Variants in TEX9 observed in about 807,000 individuals in gnomAD.
The protein encoded by TEX9 is testis-expressed protein 9.
In TEX9, 74 loss-of-function variants were observed where a neutral mutation model predicts 59.6. That is an observed-to-expected ratio of 1.24 (90% CI 1.03 to 1.51). TEX9 has a LOEUF of 1.51. Among genes scored for constraint, TEX9 ranks in the 40% most tolerant of loss-of-function variants. The pLI is 0.00. For missense variants in TEX9, 522 were observed against 447.8 expected, an observed-to-expected ratio of 1.17 and a Z score of -1.49; for synonymous variants, 186 against 152.2, an observed-to-expected ratio of 1.22 and a Z score of -1.64.
At chr15:56,385,193 C>G (rs1289823487) in intron 4 of TEX9, among the ~76,000 whole-genome samples, 1 of 152,124 alleles carries the variant, frequency 6.6e-6, no homozygotes, top group Non-Finnish European at 1.5e-5. Flanking sequence ...ACTTTCATAT[C>G]TGTTCCATTG....
chr15:56,255,888 G>A (rs1427153852), intron 1 of TEX9, among the ~76,000 whole-genome samples: 1 of 152,056 alleles, frequency 6.6e-6, no homozygotes, highest in Non-Finnish European at 1.5e-5. Flanking sequence ...AAAGGACTTT[G>A]TATGAATAAA....
At chr15:56,329,197 G>A (rs1417263538) in intron 1 of TEX9, among the ~76,000 whole-genome samples, 1 of 152,178 alleles carries the variant, frequency 6.6e-6, no homozygotes, top group African/African-American at 2.4e-5. Context: ...GTATCTCTGT[G>A]AGTCTAGAAG....
At chr15:56,449,075 G>A (rs1173869166), downstream of TEX9, among the ~76,000 whole-genome samples, 1 of 152,054 alleles carries the variant, frequency 6.6e-6, no homozygotes, top group Non-Finnish European at 1.5e-5. Flanking sequence ...GCTTTTGGAT[G>A]TTCTACACAT....
intron 1 of TEX9, among the ~76,000 whole-genome samples, chr15:56,264,145 G>A (rs551010953): frequency 6.6e-6 from 1 of 152,258 alleles, no homozygotes; most frequent in South Asian, 2.1e-4. Context: ...TTTAAATTAA[G>A]AAACTGAAAA....
At chr15:56,270,744 A>G (rs1175739188) in intron 1 of TEX9, among the ~76,000 whole-genome samples, 1 of 152,172 alleles carries the variant, frequency 6.6e-6, no homozygotes, top group African/African-American at 2.4e-5. Context: ...GGTCTTTACA[A>G]TTTGGCACGT....
intron 1 of TEX9, among the ~76,000 whole-genome samples, chr15:56,330,891 C>T (rs1359848948): frequency 1.3e-5 from 2 of 151,856 alleles, no homozygotes; most frequent in African/African-American, 2.4e-5. Context: ...AAATAGGACC[C>T]AATGATCTGT....
chr15:56,420,473 A>C (rs1356062003), intron 10 of TEX9, among the ~76,000 whole-genome samples: 2 of 151,564 alleles, frequency 1.3e-5, no homozygotes, highest in East Asian at 3.9e-4. Context: ...ATGCTCGGCT[A>C]ATTTTTGTAT....
At chr15:56,426,646 C>A (rs2050293979) in intron 10 of TEX9, among the ~76,000 whole-genome samples, 2 of 124,342 alleles carry the variant, frequency 1.6e-5, no homozygotes, top group African/African-American at 5.8e-5. Flanking sequence ...CAAACACACA[C>A]ACACACACGT....
intron 10 of TEX9, among the ~76,000 whole-genome samples, chr15:56,426,273 A>G (rs1485465187): frequency 6.6e-6 from 1 of 151,954 alleles, no homozygotes; most frequent in Non-Finnish European, 1.5e-5. Flanking sequence ...CCTCCATTCC[A>G]AGGGAAGAAC....
At chr15:56,359,379 C>T (rs2046749192) in intron 1 of TEX9, among the ~76,000 whole-genome samples, 1 of 152,136 alleles carries the variant, frequency 6.6e-6, no homozygotes, top group South Asian at 2.1e-4. Context: ...TTCCTCTCTC[C>T]CTAGTCCCTG....
At chr15:56,342,472 C>CA (rs367645573) in intron 1 of TEX9, among the ~76,000 whole-genome samples, 6,649 of 148,798 alleles carry the variant, frequency 0.045, 215 homozygotes, top group Admixed American at 0.088. Flanking sequence ...TGTGTGTGGT[C>CA]AAAAAAAAAG....
At chr15:56,391,779 T>TA (rs2048223354) in intron 7 of TEX9, among the ~76,000 whole-genome samples, 1 of 152,166 alleles carries the variant, frequency 6.6e-6, no homozygotes, top group Non-Finnish European at 1.5e-5. Context: ...GTTAAAATAT[T>TA]AAAAAAGTTT....
At chr15:56,446,767 A>G, downstream of TEX9, 1 of 1,143,564 alleles carries the variant, frequency 8.7e-7, no homozygotes, top group Non-Finnish European at 1.3e-6. Flanking sequence ...ACAATATGAC[A>G]ATTTTTTAAG....
intron 1 of TEX9, among the ~76,000 whole-genome samples, chr15:56,256,611 A>G (rs1036199363): frequency 6.6e-6 from 1 of 151,752 alleles, no homozygotes; most frequent in African/African-American, 2.4e-5. Context: ...TTTTTTGAAA[A>G]GAACCAAAAA....
chr15:56,278,983 A>T (rs1249499451), intron 1 of TEX9, among the ~76,000 whole-genome samples: 4 of 152,154 alleles, frequency 2.6e-5, no homozygotes, highest in Non-Finnish European at 5.9e-5. Context: ...CATTACTCTA[A>T]TGTCTTTAAA....
At chr15:56,313,356 G>A (rs2045671545) in intron 1 of TEX9, among the ~76,000 whole-genome samples, 2 of 84,056 alleles carry the variant, frequency 2.4e-5, no homozygotes, top group Non-Finnish European at 5.4e-5. Context: ...TTTTTAGCAT[G>A]AAGGGTTGTT....
chr15:56,368,796 T>C (rs955748610), intron 2 of TEX9, among the ~76,000 whole-genome samples: 5 of 152,140 alleles, frequency 3.3e-5, no homozygotes, highest in Non-Finnish European at 7.4e-5. Flanking sequence ...TTTTGTCTTT[T>C]TCTTTTTCTA....
At chr15:56,443,843 TG>T in intron 12 of TEX9, 1 of 1,598,870 alleles carries the variant, frequency 6.3e-7, no homozygotes, top group Non-Finnish European at 8.5e-7. Flanking sequence ...TTCTAACTTT[TG>T]TTGTTTTTCC....
At chr15:56,320,885 A>G (rs2045887479) in intron 1 of TEX9, among the ~76,000 whole-genome samples, 1 of 152,196 alleles carries the variant, frequency 6.6e-6, no homozygotes, top group African/African-American at 2.4e-5. Context: ...CCTCAGGAAT[A>G]TTGTGAAGAG....
Sources: gnomAD v4.1 joint callset for allele counts (sites outside exome capture counted in the v4.1 genomes callset) on GRCh38, gnomAD v4.1.1 for gene constraint, MANE v1.5 for transcripts, NCBI Gene and HGNC (gene_info 2026-07-23, HGNC 2026-07-21) for gene names.